MELTF: variants seen among roughly 807,000 people sequenced by gnomAD.
The protein encoded by MELTF is antigen p97 (melanoma associated) identified by monoclonal antibodies 133.2 and 96.5.
In MELTF, 67 loss-of-function variants were observed where a neutral mutation model predicts 83.7. The observed-to-expected ratio is 0.80, with a 90% CI of 0.66 to 0.98. The LOEUF (loss-of-function observed/expected upper bound fraction) is 0.98, where lower values mean the gene tolerates loss of function less well. Ranked by LOEUF, MELTF falls within the 50% of genes least tolerant of loss-of-function variation. MELTF has a pLI of 0.00. For missense variants in MELTF, 1,002 were observed against 1,035.6 expected, an observed-to-expected ratio of 0.97 and a Z score of 0.44; for synonymous variants, 462 against 447.6, an observed-to-expected ratio of 1.03 and a Z score of -0.41.
In MELTF at chr3:197,008,470, G is replaced by T. The variant is rs1266820858; in HGVS notation, c.1750+187C>A. On this transcript the variant is annotated intron_variant, in intron 13 of 15. Coordinates refer to ENST00000296350, the MANE Select transcript of MELTF (RefSeq NM_005929.6). The surrounding 1 kb of genome is among the most constrained non-coding windows in gnomAD (Gnocchi z 5.4). ...CGTCATGTATCCAGCACCCCTGGAT[G>T]TGTGGTCTGAGGTCTGTTCTTACCC... Among the ~76,000 whole-genome samples the T allele has an allele frequency of 1.3e-5, 2 of 152,224 alleles. No individual in the cohort carries two copies. The highest frequency in any genetic ancestry group is 2.9e-5 in the Non-Finnish European group (2 of 68,048).
intron 14 of MELTF, 178 bp from the exon 15 acceptor site, chr3:197,004,277 A>G (rs1718897761): frequency 3.0e-6 from 2 of 663,398 alleles, no homozygotes; most frequent in East Asian, 2.7e-5. Flanking sequence ...CTGTCACCCA[A>G]GCGGGTGTGG....
intron 4 of MELTF, among the ~76,000 whole-genome samples, chr3:197,023,375 C>T (rs1052049185): frequency 7.2e-5 from 11 of 152,206 alleles, no homozygotes; most frequent in African/African-American, 2.7e-4. Context: ...TAAATGACCA[C>T]GTGGGATAAC....
Position 197,023,017 on chromosome 3 carries a change from C to G in MELTF, c.584G>C (p.Gly195Ala), listed in dbSNP as rs965943350. Residue 195 changes from glycine (G) to alanine (A), a missense_variant, in exon 5 of 16, where the codon GGG becomes GCG. By Grantham distance (60) the Gly-to-Ala change is moderately conservative. Coordinates refer to ENST00000296350, the MANE Select transcript of MELTF (RefSeq NM_005929.6). ...LCRLCRGDSS[G>A]EGVCDKSPLE... ...GGGGCTCTTGTCACACACCCCTTCCCCAGAGCTGTCACCCCTGCAGAGGCG... is the reference window on the plus strand; with the variant it reads ...GGGGCTCTTGTCACACACCCCTTCCGCAGAGCTGTCACCCCTGCAGAGGCG... The G allele has an allele frequency of 1.9e-6, 3 of 1,613,774 alleles. No homozygotes were observed. Among genetic ancestry groups the G allele is most frequent in the Non-Finnish European group, 2.5e-6 (3 of 1,179,994 alleles).
chr3:197,027,878 T>G lies in MELTF; in HGVS notation c.82A>C (p.Thr28Pro), dbSNP rs766081202. The G allele has an allele frequency of 6.2e-7, 1 of 1,605,484 alleles. No individual in the cohort carries two copies. Among genetic ancestry groups the G allele is most frequent in the Non-Finnish European group, 8.5e-7 (1 of 1,177,322 alleles). The part of the protein sequence containing the change: ...LGGMEVRWCA[T>P]SDPEQHKCGN... ...CACTTGTGCTGCTCTGGGTCCGAGG[T>G]GGCGCACCACCGCACCTCCATGCCA... Residue 28 changes from threonine to proline, a missense_variant, in exon 2 of 16, where the codon ACC (threonine) becomes CCC (proline). By Grantham distance (38) the Thr-to-Pro change is conservative. Coordinates refer to ENST00000296350, the MANE Select transcript of MELTF (RefSeq NM_005929.6).
At chr3:197,025,190 C>T (rs1015119118) in intron 3 of MELTF, among the ~76,000 whole-genome samples, 7 of 152,242 alleles carry the variant, frequency 4.6e-5, no homozygotes, top group South Asian at 2.1e-4. Flanking sequence ...GGTCTCCCAT[C>T]GCACGGGCGC....
In MELTF at chr3:197,010,712, C is replaced by T; in HGVS notation, c.1316G>A (p.Gly439Glu). The T allele has an allele frequency of 6.2e-7, 1 of 1,613,268 alleles. No individual in the cohort carries two copies. Among genetic ancestry groups the T allele is most frequent in the Non-Finnish European group, 8.5e-7 (1 of 1,179,904 alleles). The change falls in exon 10 of 16, where the codon GGG (glycine) becomes GAG (glutamate). Residue 439 changes from glycine to glutamate, a missense_variant. Gly to Glu is a moderately conservative substitution (Grantham distance 98, BLOSUM62 -2). Coordinates refer to ENST00000296350, the MANE Select transcript of MELTF (RefSeq NM_005929.6). ...CCTGCACTCACGGGCATAGTGCTCC[C>T]CGGCTGCGGGAACCAGGCCGTACGT... is the stretch of plus-strand genomic sequence containing the variant. ...GKTYGLVPAA[G>E]EHYAPEDSSN...
In MELTF at chr3:197,027,878, T is replaced by C. The variant is rs766081202; in HGVS notation, c.82A>G (p.Thr28Ala). 32 of 1,605,602 alleles carry C rather than the reference T, an allele frequency of 2.0e-5. No individual in the cohort carries two copies. In the Admixed American group the frequency reaches 5.4e-4, roughly 27 times the overall value. ...LGGMEVRWCA[T>A]SDPEQHKCGN... ...CACTTGTGCTGCTCTGGGTCCGAGG[T>C]GGCGCACCACCGCACCTCCATGCCA... Residue 28 changes from threonine to alanine, a missense_variant, in exon 2 of 16, where the codon ACC becomes GCC. Coordinates refer to ENST00000296350, the MANE Select transcript of MELTF (RefSeq NM_005929.6).
chr3:197,019,000 C>A (rs1325559091), intron 6 of MELTF: 1 of 985,284 alleles, frequency 1.0e-6, no homozygotes, highest in African/African-American at 1.7e-5. Context: ...AGGAAAAAAA[C>A]CTCTACAAGG....
intron 7 of MELTF, 119 bp from the exon 8 acceptor site, chr3:197,016,488 G>T: frequency 1.2e-6 from 1 of 801,776 alleles, no homozygotes. Context: ...CACCCTGAGG[G>T]CCAGGTGAGG....
intron 1 of MELTF, 88 bp from the exon 2 acceptor site, chr3:197,027,998 GC>G: frequency 7.0e-7 from 1 of 1,423,810 alleles, no homozygotes; most frequent in Non-Finnish European, 9.4e-7. Flanking sequence ...TTCTGTGTGA[GC>G]CCATTCGCCT....
intron 6 of MELTF, among the ~76,000 whole-genome samples, chr3:197,020,636 G>A (rs530511474): frequency 6.6e-6 from 1 of 151,980 alleles, no homozygotes; most frequent in South Asian, 2.1e-4. Context: ...ATGACATGAT[G>A]GCTCAATATA....
chr3:197,016,880 C>G (rs1442420106), intron 7 of MELTF, among the ~76,000 whole-genome samples: 1 of 152,196 alleles, frequency 6.6e-6, no homozygotes, highest in African/African-American at 2.4e-5. Flanking sequence ...TCTGAGGGTG[C>G]CTGAATCCCT....
At chr3:197,023,187 G>A in intron 4 of MELTF, 74 bp from the exon 5 acceptor site, 1 of 1,496,744 alleles carries the variant, frequency 6.7e-7, no homozygotes, top group Non-Finnish European at 9.2e-7. Context: ...GGGTCAGCAG[G>A]GGGCCCGGGC....
rs977943995 is a variant in MELTF, at chr3:197,006,639, G to A, written c.1848C>T (p.Ala616=). The A allele has an allele frequency of 1.9e-6, 3 of 1,611,856 alleles. No homozygotes were observed. The African/African-American group carries it at 4.0e-5, about 22-fold the overall frequency. ...GARAEVSQFA[A]CNLAQIPPHA... is the part of the protein sequence containing the mutation. ...GGGGTGGTATCTGTGCCAGGTTGCA[G>A]GCTGCAAACTGGGACACCTCGGCTC... Residue 616 remains alanine, a synonymous_variant, in exon 14 of 16, where the codon GCC becomes GCT. Transcript: ENST00000296350. The surrounding 1 kb of genome is among the most constrained non-coding windows in gnomAD (Gnocchi z 5.4).
chr3:197,019,878 T>G, intron 6 of MELTF: 9 of 1,469,084 alleles, frequency 6.1e-6, no homozygotes, highest in Non-Finnish European at 8.2e-6. Flanking sequence ...TCAGACGTCC[T>G]GGGAGACGCA....
At chr3:197,027,680 G>C in intron 2 of MELTF, 76 bp downstream of exon 2, 1 of 1,488,972 alleles carries the variant, frequency 6.7e-7, no homozygotes, top group Non-Finnish European at 9.1e-7. Context: ...CTCCTTTCCT[G>C]GTGAATGGGG....
Position 197,024,245 on chromosome 3 carries a change from G to A in MELTF, c.487+58C>T, listed in dbSNP as rs1248101619. 3 of 1,496,234 alleles carry A rather than the reference G, an allele frequency of 2.0e-6. No homozygotes were observed. Among genetic ancestry groups the A allele is most frequent in the African/African-American group, 2.8e-5 (2 of 71,296 alleles). 92.7% of individuals were successfully genotyped at this position (1,496,234 alleles called of 1,614,324 possible). A position where few individuals can be genotyped will look rare whatever the true frequency, so the allele number is the denominator to read the frequency against. On this transcript the variant is annotated intron_variant, in intron 4 of 15. Coordinates refer to ENST00000296350, the MANE Select transcript of MELTF (RefSeq NM_005929.6). This position sits in a 1 kb window ranked among gnomAD's most constrained non-coding sequence, Gnocchi z 5.3. Reference sequence around the variant, plus strand: ...GGCTACCCAGTGAAGGGACGAGCATGGGCCAAGGAAAGGAGGGGGAGGCCT... The same window carrying A: ...GGCTACCCAGTGAAGGGACGAGCATAGGCCAAGGAAAGGAGGGGGAGGCCT...
At position 197,022,960 on chromosome 3, in the gene MELTF, A is replaced by C. The variant is rs767292960; in HGVS notation, c.641T>G (p.Phe214Cys). The C allele has an allele frequency of 4.4e-6, 7 of 1,605,312 alleles. No homozygotes were observed. In the South Asian group the frequency reaches 4.5e-5, roughly 10 times the overall value. Reference protein sequence around the residue: ...LERYYDYSGAFRCLAEGAGDV... With the variant: ...LERYYDYSGACRCLAEGAGDV... ...TCCCTGCCCCCACTCCGCTCACCGG[A>C]AGGCCCCGCTGTAGTCGTAGTATCT... Residue 214 changes from phenylalanine (F) to cysteine (C), a missense_variant, in exon 5 of 16, where the codon TTC becomes TGC. By Grantham distance (205) the Phe-to-Cys change is radical. Transcript: ENST00000296350. The surrounding 1 kb of genome is among the most constrained non-coding windows in gnomAD (Gnocchi z 5.1).
Position 197,007,765 on chromosome 3 carries a change from G to A in MELTF, c.1750+892C>T, listed in dbSNP as rs1380984095. ...CCTTGGTGACCCCCATAGGAGGCAA[G>A]ATCCAAGTTTTGAAACACTAACTGA... On this transcript the variant is annotated intron_variant, in intron 13 of 15. Transcript: ENST00000296350. The surrounding 1 kb of genome is among the most constrained non-coding windows in gnomAD (Gnocchi z 4.3). 6.6e-6 allele frequency among the ~76,000 whole-genome samples: 1 copy of A among 152,222 alleles called. No homozygotes were observed. Among genetic ancestry groups the A allele is most frequent in the Non-Finnish European group, 1.5e-5 (1 of 68,036 alleles).
Sources: gnomAD v4.1 joint callset for allele counts (sites outside exome capture counted in the v4.1 genomes callset) on GRCh38, gnomAD v4.1.1 for gene constraint, Gnocchi (gnomAD v3.1) non-coding constraint, MANE v1.5 for transcripts, NCBI Gene and HGNC (gene_info 2026-07-23, HGNC 2026-07-21) for gene names.